KIF14: variants seen among roughly 807,000 people sequenced by gnomAD.
KIF14 encodes kinesin-like protein KIF14.
A neutral mutation model predicts 176.2 loss-of-function variants in KIF14; 98 were observed. The ratio of observed to expected loss-of-function variants is 0.56; its 90% CI spans 0.47 to 0.66. KIF14 has a LOEUF of 0.66. KIF14 is among the 30% of genes least tolerant of loss of function. The pLI is 0.00. For missense variants in KIF14, 1,751 were observed against 1,920.4 expected, an observed-to-expected ratio of 0.91 and a Z score of 1.65; for synonymous variants, 566 against 632.2, an observed-to-expected ratio of 0.90 and a Z score of 1.57.
chr1:200,603,363 T>G (rs545389994), intron 9 of KIF14, 22 bp from the exon 10 acceptor site: 7 of 1,167,030 alleles, frequency 6.0e-6, no homozygotes, highest in Non-Finnish European at 8.7e-6. Flanking sequence ...AAAAAAAAAA[T>G]TTTTAACTTA....
rs1422179875 is a variant in KIF14 at position 200,620,730 on chromosome 1, C to T, written c.-435G>A. 3.3e-5 allele frequency: 5 copies of T among 152,372 alleles called. No homozygotes were observed. The highest frequency in any genetic ancestry group is 4.8e-5 in the African/African-American group (2 of 41,468). The allele number at this position is 152,372 out of a possible 1,614,324, so 9.4% of individuals were successfully genotyped here. On this transcript the variant is annotated 5_prime_UTR_variant, in exon 1 of 30. Transcript: ENST00000367350. Reference sequence around the variant, plus strand: ...CACTCACCACCTCCAGCGCCGGCTCCCCAGAAGGCCGCAATTTGAATGGGC... The same window carrying T: ...CACTCACCACCTCCAGCGCCGGCTCTCCAGAAGGCCGCAATTTGAATGGGC...
intron 22 of KIF14, 70 bp downstream of exon 22, chr1:200,575,521 T>C (rs1658046745): frequency 4.8e-6 from 3 of 625,440 alleles, no homozygotes; most frequent in Non-Finnish European, 7.4e-6. Flanking sequence ...GATATACAAT[T>C]TACACACACA....
chr1:200,596,968 G>A (rs1431519443), intron 14 of KIF14, among the ~76,000 whole-genome samples: 2 of 141,542 alleles, frequency 1.4e-5, no homozygotes, highest in South Asian at 2.2e-4. Context: ...TGATGATCTC[G>A]GCACACTGCA....
chr1:200,582,862 A>G (rs1658538356), intron 19 of KIF14, among the ~76,000 whole-genome samples: 1 of 140,862 alleles, frequency 7.1e-6, no homozygotes, highest in Non-Finnish European at 1.5e-5. Context: ...TCTGTCTCAG[A>G]AAAAAAAAAA....
intron 27 of KIF14, among the ~76,000 whole-genome samples, chr1:200,555,906 C>G (rs1656807264): frequency 6.6e-6 from 1 of 152,060 alleles, no homozygotes; most frequent in Non-Finnish European, 1.5e-5. Context: ...TGGACACCCT[C>G]TAATATTTGT....
chr1:200,617,483 C>A, intron 2 of KIF14, 129 bp downstream of exon 2: 1 of 849,934 alleles, frequency 1.2e-6, no homozygotes, highest in Admixed American at 2.6e-5. Flanking sequence ...CCTAAAAGTT[C>A]TTTCTATATA....
At position 200,580,384 on chromosome 1, in the gene KIF14, C is replaced by A; in HGVS notation, c.3336-1G>T. On this transcript the variant is annotated splice_acceptor_variant, in intron 20 of 29. Transcript: ENST00000367350. LOFTEE classifies it high-confidence loss of function. ...ACTACTTTTATCTGATATATCATGT[C>A]TGAAAGAAAAATAAACAAAAAAAAG... 6.8e-7 allele frequency: 1 copy of A among 1,460,256 alleles called. No individual in the cohort carries two copies. The highest frequency in any genetic ancestry group is 2.4e-5 in the Admixed American group (1 of 42,080). 90.5% of individuals were successfully genotyped at this position (1,460,256 alleles called of 1,614,324 possible).
rs1411418282 is a variant in KIF14, at chr1:200,552,160, TTTTTTC to T, written c.*1222_*1227del. ...AGGTTATTTAAATGAATTCTTCTTT[TTTTTTC>T]TTCTTTTTTTTTAAATGAATTATTC... On this transcript the variant is annotated 3_prime_UTR_variant, in exon 30 of 30. Coordinates refer to ENST00000367350, the MANE Select transcript of KIF14 (RefSeq NM_014875.3). The T allele has an allele frequency of 1.5e-5, 2 of 132,734 alleles. No homozygotes were observed. Among genetic ancestry groups the T allele is most frequent in the Non-Finnish European group, 3.6e-5 (2 of 56,308 alleles). 8.2% of individuals were successfully genotyped at this position (132,734 alleles called of 1,614,324 possible). A position where few individuals can be genotyped will look rare whatever the true frequency, so the allele number is the denominator to read the frequency against.
At chr1:200,574,944 T>TTC (rs1036337059) in intron 22 of KIF14, among the ~76,000 whole-genome samples, 1 of 144,920 alleles carries the variant, frequency 6.9e-6, no homozygotes, top group Non-Finnish European at 1.5e-5. Flanking sequence ...GTAATTTTTT[T>TTC]TTTTTTTTTT....
intron 4 of KIF14, among the ~76,000 whole-genome samples, chr1:200,612,040 T>C (rs1423498068): frequency 3.9e-5 from 6 of 151,938 alleles, no homozygotes; most frequent in African/African-American, 1.5e-4. Flanking sequence ...TCTTGCTCTG[T>C]CGCCCAGGCT....
intron 27 of KIF14, among the ~76,000 whole-genome samples, chr1:200,557,988 C>T (rs1003546962): frequency 2.0e-5 from 3 of 152,208 alleles, no homozygotes; most frequent in Non-Finnish European, 4.4e-5. Flanking sequence ...CAAGGTCTTG[C>T]TCTGTCGCCC....
chr1:200,558,054 C>G (rs1170707189), intron 27 of KIF14, among the ~76,000 whole-genome samples: 2 of 152,188 alleles, frequency 1.3e-5, no homozygotes, highest in Non-Finnish European at 2.9e-5. Context: ...CTCCTGGGCT[C>G]AAGTGATACT....
At chr1:200,601,569 G>A (rs1659626824) in intron 11 of KIF14, among the ~76,000 whole-genome samples, 1 of 152,178 alleles carries the variant, frequency 6.6e-6, no homozygotes, top group Non-Finnish European at 1.5e-5. Context: ...ATGGAAGAGA[G>A]GTCATAAGAG....
intron 13 of KIF14, among the ~76,000 whole-genome samples, chr1:200,599,734 T>C (rs987322262): frequency 2.0e-5 from 3 of 152,324 alleles, no homozygotes; most frequent in Non-Finnish European, 4.4e-5. Context: ...GGGATGAAAC[T>C]GTGTTTAATC....
At position 200,594,230 on chromosome 1, in the gene KIF14, G is replaced by A. The variant is rs190240619; in HGVS notation, c.2550-461C>T. On this transcript the variant is annotated intron_variant, in intron 14 of 29. Transcript: ENST00000367350. ...GATTACAGGCATGAGCCACTGCATCGAGCCTCCAATTAGATTTTGAAGTTT... is the reference window on the plus strand; with the variant it reads ...GATTACAGGCATGAGCCACTGCATCAAGCCTCCAATTAGATTTTGAAGTTT... Among the ~76,000 whole-genome samples the A allele has an allele frequency of 4.0e-5, 6 of 151,568 alleles. No individual in the cohort carries two copies. In the East Asian group the frequency reaches 5.8e-4, roughly 15 times the overall value.
intron 11 of KIF14, among the ~76,000 whole-genome samples, chr1:200,601,140 C>T (rs1287375843): frequency 6.6e-6 from 1 of 152,198 alleles, no homozygotes; most frequent in Non-Finnish European, 1.5e-5. Flanking sequence ...GCGTTAGCCT[C>T]TCAAAGTGCT....
At position 200,567,315 on chromosome 1, in the gene KIF14, G is replaced by A. The variant is rs529785488; in HGVS notation, c.3662-1646C>T. Among the ~76,000 whole-genome samples the A allele has an allele frequency of 1.3e-4, 20 of 152,144 alleles. 1 individual carries two copies. Among genetic ancestry groups the A allele is most frequent in the South Asian group, 1.2e-3 (6 of 4,812 alleles). On this transcript the variant is annotated intron_variant, in intron 23 of 29. Transcript: ENST00000367350. ...CCAGCATTTTGGGAGGCTGAGGCAG[G>A]TGGATCACGAGGTCAGGAGATCGAG...
intron 19 of KIF14, among the ~76,000 whole-genome samples, chr1:200,584,552 A>G (rs1434404561): frequency 6.6e-6 from 1 of 152,232 alleles, no homozygotes; most frequent in East Asian, 1.9e-4. Flanking sequence ...ATGGTTTAAC[A>G]TATACAAATC....
intron 19 of KIF14, among the ~76,000 whole-genome samples, chr1:200,584,887 A>C (rs151297341): frequency 1.6e-3 from 240 of 152,342 alleles, no homozygotes; most frequent in Non-Finnish European, 2.7e-3. Context: ...AGGTATCCAA[A>C]CTGAGAAGGA....
Sources: gnomAD v4.1 joint callset for allele counts (sites outside exome capture counted in the v4.1 genomes callset) on GRCh38, gnomAD v4.1.1 for gene constraint, MANE v1.5 for transcripts, NCBI Gene and HGNC (gene_info 2026-07-23, HGNC 2026-07-21) for gene names.